AGAP1: variants seen among roughly 807,000 people sequenced by gnomAD.
AGAP1 encodes arf-GAP with GTPase, ANK repeat and PH domain-containing protein 1.
A neutral mutation model predicts 105.3 loss-of-function variants in AGAP1; 29 were observed. The ratio of observed to expected loss-of-function variants is 0.28; its 90% CI spans 0.21 to 0.38. The LOEUF (loss-of-function observed/expected upper bound fraction) is 0.38. Among genes scored for constraint, AGAP1 ranks in the 10% least tolerant of loss-of-function variants. The probability of loss-of-function intolerance (pLI) is 1.00; values close to 1 mark genes in which losing one functional copy is unlikely to be tolerated. For missense variants in AGAP1, 998 were observed against 1,165.1 expected (o/e 0.86, Z 2.09); for synonymous variants, 509 against 485.9 (o/e 1.05, Z -0.63).
intron 12 of AGAP1, among the ~76,000 whole-genome samples, chr2:235,942,686 T>A (rs964850567): frequency 1.3e-4 from 4 of 29,728 alleles, no homozygotes; most frequent in Non-Finnish European, 2.6e-4. Context: ...AAAAAAAAAA[T>A]TACATTTTAA....
chr2:235,556,811 T>C lies in AGAP1; in HGVS notation c.163+61962T>C, dbSNP rs976493544. Among the ~76,000 whole-genome samples, 2 of 152,216 alleles carry C rather than the reference T, an allele frequency of 1.3e-5. No individual in the cohort carries two copies. Among genetic ancestry groups the C allele is most frequent in the African/African-American group, 2.4e-5 (1 of 41,460 alleles). On this transcript the variant is annotated intron_variant, in intron 1 of 17. Transcript: ENST00000304032. This position sits in a 1 kb window ranked among gnomAD's most constrained non-coding sequence, Gnocchi z 5.3. ...TTGTATATTTGAGAAGTGGCACTTATTTACCCTGGAGTGAATGTGTTACTG... is the reference window on the plus strand; with the variant it reads ...TTGTATATTTGAGAAGTGGCACTTACTTACCCTGGAGTGAATGTGTTACTG...
intron 9 of AGAP1, among the ~76,000 whole-genome samples, chr2:235,811,270 G>A (rs990727683): frequency 6.6e-6 from 1 of 152,162 alleles, no homozygotes; most frequent in Admixed American, 6.5e-5. Flanking sequence ...ATCCCCTCCT[G>A]CCTCTGATGT....
chr2:236,031,636 T>C (rs2057227493), intron 13 of AGAP1, among the ~76,000 whole-genome samples: 2 of 152,160 alleles, frequency 1.3e-5, no homozygotes, highest in African/African-American at 2.4e-5. Context: ...TTCAAGGGCC[T>C]GAAACCCCCA....
chr2:235,518,006 G>C (rs1453828155), intron 1 of AGAP1, among the ~76,000 whole-genome samples: 1 of 151,920 alleles, frequency 6.6e-6, no homozygotes, highest in Admixed American at 6.6e-5. Flanking sequence ...GCTTGCCTCA[G>C]TTGGGGTTCT....
At chr2:235,694,897 TC>T (rs1399401490) in intron 1 of AGAP1, among the ~76,000 whole-genome samples, 1 of 152,166 alleles carries the variant, frequency 6.6e-6, no homozygotes, top group Non-Finnish European at 1.5e-5. Context: ...CATGGGGGGT[TC>T]CGGCTTCTTC....
intron 1 of AGAP1, among the ~76,000 whole-genome samples, chr2:235,598,377 T>C (rs1385551133): frequency 6.6e-6 from 1 of 152,208 alleles, no homozygotes; most frequent in Non-Finnish European, 1.5e-5. Context: ...CAGTGTTTAA[T>C]ATTAGAAGGG....
chr2:235,841,582 A>G (rs569762202), intron 9 of AGAP1, among the ~76,000 whole-genome samples: 3 of 152,274 alleles, frequency 2.0e-5, no homozygotes, highest in African/African-American at 7.2e-5. Context: ...GTGAACTGTG[A>G]TCTCGCCACT....
At chr2:235,838,670 A>G (rs989198602) in intron 9 of AGAP1, among the ~76,000 whole-genome samples, 1 of 152,270 alleles carries the variant, frequency 6.6e-6, no homozygotes, top group Non-Finnish European at 1.5e-5. Context: ...GGCTTGTCTC[A>G]GTAACTGCTG....
chr2:235,773,262 A>T (rs1400082931), intron 6 of AGAP1, among the ~76,000 whole-genome samples: 3 of 152,166 alleles, frequency 2.0e-5, no homozygotes, highest in African/African-American at 7.2e-5. Context: ...GCCCCCAGTC[A>T]GTCTGATTTG....
rs1205881813 is a variant in AGAP1 at position 235,549,510 on chromosome 2, G to A, written c.163+54661G>A. Among the ~76,000 whole-genome samples, 1 of 152,196 alleles carries A rather than the reference G, an allele frequency of 6.6e-6. No individual in the cohort carries two copies. Among genetic ancestry groups the A allele is most frequent in the Non-Finnish European group, 1.5e-5 (1 of 68,040 alleles). On this transcript the variant is annotated intron_variant, in intron 1 of 17. Transcript: ENST00000304032. The surrounding 1 kb of genome is among the most constrained non-coding windows in gnomAD (Gnocchi z 4.2). ...CCTGTGCCTTTAGCCCAGCCTTGCT[G>A]TTCTAGATGGTGTTGGCAGCCTTTT...
rs971486956 is a variant in AGAP1, at chr2:235,621,327, A to C, written c.164-87852A>C. Among the ~76,000 whole-genome samples, 1 of 152,104 alleles carries C rather than the reference A, an allele frequency of 6.6e-6. No individual in the cohort carries two copies. The highest frequency in any genetic ancestry group is 2.4e-5 in the African/African-American group (1 of 41,416). On this transcript the variant is annotated intron_variant, in intron 1 of 17. Transcript: ENST00000304032. This position sits in a 1 kb window ranked among gnomAD's most constrained non-coding sequence, Gnocchi z 4.1. ...GTGAGCCACCACGCCCAGCCGATCT[A>C]TTTAATTTCATTGTGCCTTGGTTTC...
chr2:235,796,688 A>G (rs959524035), intron 6 of AGAP1, among the ~76,000 whole-genome samples: 1 of 152,214 alleles, frequency 6.6e-6, no homozygotes, highest in Admixed American at 6.5e-5. Context: ...ATTATCTGCA[A>G]ACACTATATG....
rs550522754 is a variant in AGAP1 at position 235,967,964 on chromosome 2, C to G, written c.1484-498C>G. Among the ~76,000 whole-genome samples, 2 of 152,202 alleles carry G rather than the reference C, an allele frequency of 1.3e-5. No homozygotes were observed. The highest frequency in any genetic ancestry group is 3.9e-4 in the East Asian group (2 of 5,178). On this transcript the variant is annotated intron_variant, in intron 12 of 17. Coordinates refer to ENST00000304032, the MANE Select transcript of AGAP1 (RefSeq NM_001037131.3). This position sits in a 1 kb window ranked among gnomAD's most constrained non-coding sequence, Gnocchi z 4.7. ...ATAGAATTTTTCACTGATAATAAAA[C>G]AAGATGAAGTTATAGTCATCTGTAA...
rs1432566543 is a variant in AGAP1, at chr2:235,612,298, C to T, written c.164-96881C>T. Reference sequence around the variant, plus strand: ...TGCTTGTGAATTGATTGCACCCCTCCTGTGGCGTGGAGGCGGTGCCTGGTT... The same window carrying T: ...TGCTTGTGAATTGATTGCACCCCTCTTGTGGCGTGGAGGCGGTGCCTGGTT... On this transcript the variant is annotated intron_variant, in intron 1 of 17. Coordinates refer to ENST00000304032, the MANE Select transcript of AGAP1 (RefSeq NM_001037131.3). The surrounding 1 kb of genome is among the most constrained non-coding windows in gnomAD (Gnocchi z 4.3). Among the ~76,000 whole-genome samples the T allele has an allele frequency of 6.6e-6, 1 of 152,178 alleles. No individual in the cohort carries two copies. The highest frequency in any genetic ancestry group is 1.5e-5 in the Non-Finnish European group (1 of 68,038).
intron 10 of AGAP1, among the ~76,000 whole-genome samples, chr2:235,884,860 ACAG>A (rs10526218): frequency 3.3e-5 from 5 of 151,160 alleles, no homozygotes; most frequent in South Asian, 2.1e-4. Context: ...AGTAATAGTC[ACAG>A]CAGCAGCAGC....
Position 235,868,218 on chromosome 2 carries a change from C to T in AGAP1, c.1051-15127C>T, listed in dbSNP as rs1244748594. On this transcript the variant is annotated intron_variant, in intron 9 of 17. Coordinates refer to ENST00000304032, the MANE Select transcript of AGAP1 (RefSeq NM_001037131.3). ...CTTTTTTTTTTTTTAGAAGTAGAAA[C>T]ATTTTTGAACTTGCATGGATGTTTT... Among the ~76,000 whole-genome samples, 3 of 150,410 alleles carry T rather than the reference C, an allele frequency of 2.0e-5. No homozygotes were observed. The East Asian group carries it at 5.8e-4, about 29-fold the overall frequency.
At chr2:235,828,469 G>A (rs1229798042) in intron 9 of AGAP1, among the ~76,000 whole-genome samples, 1 of 152,190 alleles carries the variant, frequency 6.6e-6, no homozygotes, top group Non-Finnish European at 1.5e-5. Flanking sequence ...CTCAGCCTGG[G>A]AGTGGTAAAC....
intron 1 of AGAP1, among the ~76,000 whole-genome samples, chr2:235,677,121 C>A (rs370107610): frequency 4.5e-4 from 69 of 152,310 alleles, no homozygotes; most frequent in African/African-American, 1.5e-3. Context: ...GTTCTCTCTT[C>A]TCCTGTGAAG....
At chr2:235,707,838 T>C (rs1053681863) in intron 1 of AGAP1, among the ~76,000 whole-genome samples, 3 of 150,978 alleles carry the variant, frequency 2.0e-5, no homozygotes, top group Admixed American at 2.0e-4. Flanking sequence ...TGATGGGTTA[T>C]GCTCCCCCAG....
Sources: gnomAD v4.1 joint callset for allele counts (sites outside exome capture counted in the v4.1 genomes callset) on GRCh38, gnomAD v4.1.1 for gene constraint, Gnocchi (gnomAD v3.1) non-coding constraint, MANE v1.5 for transcripts, NCBI Gene and HGNC (gene_info 2026-07-23, HGNC 2026-07-21) for gene names.